Variants in CCNY observed in about 807,000 individuals in gnomAD.
CCNY encodes cyclin Y.
In CCNY, 19 loss-of-function variants were observed where a neutral mutation model predicts 42.8. That is an observed-to-expected ratio of 0.44 (90% CI 0.31 to 0.65). The LOEUF is 0.65. CCNY is among the 30% of genes least tolerant of loss of function. The probability of loss-of-function intolerance (pLI) is 0.07; values close to 1 mark genes in which losing one functional copy is unlikely to be tolerated. For missense variants in CCNY, 370 were observed against 437.3 expected (o/e 0.85, Z 1.37); for synonymous variants, 165 against 162.7 (o/e 1.01, Z -0.11).
At chr10:35,494,700 T>G (rs1274972918) in intron 2 of CCNY, among the ~76,000 whole-genome samples, 1 of 152,194 alleles carries the variant, frequency 6.6e-6, no homozygotes, top group Non-Finnish European at 1.5e-5. Context: ...TATTATACAA[T>G]CAGTCAAAAT....
At chr10:35,414,006 G>T (rs1304139081) in intron 1 of CCNY, among the ~76,000 whole-genome samples, 1 of 152,226 alleles carries the variant, frequency 6.6e-6, no homozygotes, top group Non-Finnish European at 1.5e-5. Flanking sequence ...CTGTCAAAAT[G>T]TAGATTTGCA....
intron 3 of CCNY, among the ~76,000 whole-genome samples, chr10:35,504,301 A>G (rs553215061): frequency 3.9e-5 from 6 of 152,330 alleles, no homozygotes; most frequent in Admixed American, 1.3e-4. Context: ...GTTTCCAGCA[A>G]ACAACACACA....
chr10:35,290,155 G>A (rs1835395941), intron 3 of CCNY, among the ~76,000 whole-genome samples: 1 of 151,520 alleles, frequency 6.6e-6, no homozygotes, highest in Non-Finnish European at 1.5e-5. Context: ...GAACCCAGGA[G>A]GCAAAGGTTG....
chr10:35,317,825 G>GA (rs1181145518), intron 3 of CCNY, among the ~76,000 whole-genome samples: 1 of 152,202 alleles, frequency 6.6e-6, no homozygotes, highest in Non-Finnish European at 1.5e-5. Context: ...CCGTTTGGAG[G>GA]AAGCTATTGC....
At chr10:35,458,716 G>A (rs1228422787) in intron 1 of CCNY, among the ~76,000 whole-genome samples, 1 of 152,172 alleles carries the variant, frequency 6.6e-6, no homozygotes, top group Non-Finnish European at 1.5e-5. Flanking sequence ...ACATGTGAGG[G>A]TGTGAGCCAA....
At chr10:35,557,723 TC>T (rs1225133899) in intron 8 of CCNY, among the ~76,000 whole-genome samples, 1 of 152,174 alleles carries the variant, frequency 6.6e-6, no homozygotes, top group Non-Finnish European at 1.5e-5. Context: ...GCCACCGCAC[TC>T]CAGCCTTAGC....
At chr10:35,457,655 A>AAG (rs1484768724) in intron 1 of CCNY, among the ~76,000 whole-genome samples, 4 of 151,474 alleles carry the variant, frequency 2.6e-5, no homozygotes, top group Non-Finnish European at 4.4e-5. Flanking sequence ...GTCTCGGCTC[A>AAG]ATGCAAGCTT....
intron 2 of CCNY, among the ~76,000 whole-genome samples, chr10:35,250,069 C>T (rs974774585): frequency 6.6e-6 from 1 of 151,946 alleles, no homozygotes; most frequent in African/African-American, 2.4e-5. Flanking sequence ...TGGCGGGTGC[C>T]TGTAGTCCCA....
chr10:35,378,715 G>T (rs1413439951), intron 1 of CCNY, among the ~76,000 whole-genome samples: 1 of 152,100 alleles, frequency 6.6e-6, no homozygotes, highest in Non-Finnish European at 1.5e-5. Flanking sequence ...TCCACATCCT[G>T]CCCCGTTCGA....
intron 1 of CCNY, among the ~76,000 whole-genome samples, chr10:35,344,303 C>G (rs1039637449): frequency 3.9e-5 from 6 of 152,210 alleles, no homozygotes; most frequent in African/African-American, 1.4e-4. Flanking sequence ...AATGGGAAGA[C>G]CCGCATTCCA....
intron 3 of CCNY, among the ~76,000 whole-genome samples, chr10:35,294,768 G>A (rs1477986193): frequency 1.3e-5 from 2 of 152,256 alleles, no homozygotes; most frequent in East Asian, 3.9e-4. Flanking sequence ...GAATGATTTG[G>A]GAAGCATTTT....
intron 1 of CCNY, among the ~76,000 whole-genome samples, chr10:35,387,290 T>C (rs1380705120): frequency 1.3e-5 from 2 of 152,204 alleles, no homozygotes; most frequent in Admixed American, 1.3e-4. Flanking sequence ...TCCTTCCCCA[T>C]GTAGCTTGCT....
intron 2 of CCNY, among the ~76,000 whole-genome samples, chr10:35,492,999 G>C (rs556553268): frequency 3.3e-5 from 5 of 152,046 alleles, no homozygotes; most frequent in Admixed American, 2.6e-4. Context: ...TGCATGGGGG[G>C]GGGAGGGCAG....
intron 2 of CCNY, among the ~76,000 whole-genome samples, chr10:35,248,834 G>T (rs1454712229): frequency 1.3e-5 from 2 of 152,126 alleles, no homozygotes; most frequent in East Asian, 3.8e-4. Context: ...GTGAGACGTT[G>T]TCTCTAAAAA....
chr10:35,337,572 G>C, intron 1 of CCNY, among the ~76,000 whole-genome samples: 1 of 152,218 alleles, frequency 6.6e-6, no homozygotes, highest in South Asian at 2.1e-4. Context: ...CCTGAATGCA[G>C]CCCGAAGCCA....
intron 3 of CCNY, among the ~76,000 whole-genome samples, chr10:35,254,196 C>T (rs1020487933): frequency 7.2e-5 from 11 of 151,916 alleles, no homozygotes; most frequent in South Asian, 2.1e-4. Flanking sequence ...TGTTTTTTAC[C>T]GAAAAGTGAA....
At chr10:35,293,719 T>C (rs947780959) in intron 3 of CCNY, among the ~76,000 whole-genome samples, 3 of 152,180 alleles carry the variant, frequency 2.0e-5, no homozygotes, top group Non-Finnish European at 1.5e-5. Flanking sequence ...TCTTGAGCTA[T>C]TATAAATGGA....
intron 1 of CCNY, among the ~76,000 whole-genome samples, chr10:35,371,483 C>T (rs891902162): frequency 6.6e-6 from 1 of 152,216 alleles, no homozygotes; most frequent in Non-Finnish European, 1.5e-5. Flanking sequence ...TTCTCAGTGA[C>T]CTTCACTGAC....
At chr10:35,491,940 C>T (rs1041045268) in intron 2 of CCNY, among the ~76,000 whole-genome samples, 1 of 152,038 alleles carries the variant, frequency 6.6e-6, no homozygotes, top group African/African-American at 2.4e-5. Context: ...AAGAATAAAC[C>T]CATTGCTTGT....
Sources: gnomAD v4.1 joint callset for allele counts (sites outside exome capture counted in the v4.1 genomes callset) on GRCh38, gnomAD v4.1.1 for gene constraint, MANE v1.5 for transcripts, NCBI Gene and HGNC (gene_info 2026-07-23, HGNC 2026-07-21) for gene names.